ADAM10: variants seen among roughly 807,000 people sequenced by gnomAD.
ADAM10 encodes ADAM metallopeptidase domain 10.
ADAM10 carries 17 observed loss-of-function variants against 90.1 expected under a neutral mutation model. The observed-to-expected ratio is 0.19, with a 90% CI of 0.13 to 0.28. ADAM10 has a LOEUF of 0.28. Ranked by LOEUF, ADAM10 falls within the 10% of genes least tolerant of loss-of-function variation. ADAM10 has a pLI of 1.00. For missense variants in ADAM10, 610 were observed against 914.3 expected (o/e 0.67, Z 4.29); for synonymous variants, 310 against 298.6 (o/e 1.04, Z -0.40).
chr15:58,667,072 C>A (rs1231221775), intron 4 of ADAM10, among the ~76,000 whole-genome samples: 2 of 152,128 alleles, frequency 1.3e-5, no homozygotes, highest in African/African-American at 4.8e-5. Flanking sequence ...AATAAGCCCT[C>A]ATTGAGATGC....
intron 1 of ADAM10, 23 bp from the exon 2 acceptor site, chr15:58,717,750 T>C (rs200557698): frequency 1.9e-6 from 3 of 1,603,688 alleles, no homozygotes; most frequent in Non-Finnish European, 2.6e-6. Context: ...AACAACATTC[T>C]GAATTAGTAT....
At chr15:58,604,971 C>T (rs1418323227) in intron 14 of ADAM10, among the ~76,000 whole-genome samples, 3 of 152,158 alleles carry the variant, frequency 2.0e-5, no homozygotes, top group African/African-American at 7.2e-5. Context: ...AACTGCTAGT[C>T]TCCAGCAATT....
intron 2 of ADAM10, among the ~76,000 whole-genome samples, chr15:58,689,307 G>A (rs1321650348): frequency 2.0e-5 from 3 of 152,068 alleles, no homozygotes; most frequent in Non-Finnish European, 4.4e-5. Flanking sequence ...GCAACATGGT[G>A]AAAGCCTGTC....
At position 58,617,247 on chromosome 15, in the gene ADAM10, C is replaced by T. The variant is rs76779421; in HGVS notation, c.1511+4224G>A. 6.7e-3 allele frequency among the ~76,000 whole-genome samples: 1,012 copies of T among 151,944 alleles called. 15 individuals are homozygous for T. Among genetic ancestry groups the T allele is most frequent in the African/African-American group, 0.023 (951 of 41,500 alleles). The stretch of plus-strand genomic sequence containing the variant: ...ATAAAATCAGAAACAAAAAAGGAGA[C>T]GTTATAACTGATACCACAAAAATAC... On this transcript the variant is annotated intron_variant, in intron 11 of 15. Transcript: ENST00000260408.
chr15:58,664,811 A>T (rs1355322343), intron 5 of ADAM10, among the ~76,000 whole-genome samples: 1 of 152,146 alleles, frequency 6.6e-6, no homozygotes, highest in African/African-American at 2.4e-5. Context: ...ATGCTAATAA[A>T]AATATTTACA....
At chr15:58,630,758 G>C (rs1257539503) in intron 9 of ADAM10, among the ~76,000 whole-genome samples, 1 of 152,178 alleles carries the variant, frequency 6.6e-6, no homozygotes, top group Non-Finnish European at 1.5e-5. Flanking sequence ...AGAGATTTCA[G>C]ATAAAGATGT....
At chr15:58,720,403 TA>T (rs1357273941) in intron 1 of ADAM10, among the ~76,000 whole-genome samples, 461 of 20,138 alleles carry the variant, frequency 0.023, 3 homozygotes, top group African/African-American at 0.044. Flanking sequence ...TATTTTATTT[TA>T]TTTTTTTTTT....
Position 58,643,988 on chromosome 15 carries a change from A to T in ADAM10, c.736-10T>A, listed in dbSNP as rs200553075. 9 of 1,568,252 alleles carry T rather than the reference A, an allele frequency of 5.7e-6. No individual in the cohort carries two copies. Among genetic ancestry groups the T allele is most frequent in the Non-Finnish European group, 7.9e-6 (9 of 1,139,028 alleles). Reference sequence around the variant, plus strand: ...TAACATGACTGGATATCTATGATTTAAAAAAAAGAACATTTTAGAGGCAAT... The same window carrying T: ...TAACATGACTGGATATCTATGATTTTAAAAAAAGAACATTTTAGAGGCAAT... On this transcript the variant is annotated splice_polypyrimidine_tract_variant and intron_variant, in intron 6 of 15. Coordinates refer to ENST00000260408, the MANE Select transcript of ADAM10 (RefSeq NM_001110.4).
chr15:58,732,356 T>C (rs1167028359), intron 1 of ADAM10: 1 of 152,186 alleles, frequency 6.6e-6, no homozygotes, highest in Non-Finnish European at 1.5e-5. Flanking sequence ...AATGCAGTGA[T>C]TGCGGGAAAT....
intron 14 of ADAM10, among the ~76,000 whole-genome samples, chr15:58,608,897 C>A (rs906947558): frequency 2.0e-5 from 3 of 152,016 alleles, no homozygotes; most frequent in African/African-American, 7.2e-5. Flanking sequence ...ATATCTAGCA[C>A]AATATATACT....
intron 2 of ADAM10, among the ~76,000 whole-genome samples, chr15:58,716,640 T>C (rs1898667412): frequency 6.6e-6 from 1 of 152,108 alleles, no homozygotes; most frequent in Non-Finnish European, 1.5e-5. Context: ...TGGCTAACAA[T>C]CATTAATTGA....
At chr15:58,694,386 G>T (rs1897915410) in intron 2 of ADAM10, among the ~76,000 whole-genome samples, 1 of 151,936 alleles carries the variant, frequency 6.6e-6, no homozygotes, top group Non-Finnish European at 1.5e-5. Context: ...AGGAGGAGGA[G>T]GTTGCAGTGA....
intron 9 of ADAM10, among the ~76,000 whole-genome samples, chr15:58,629,733 T>C (rs1188175226): frequency 6.6e-6 from 1 of 152,196 alleles, no homozygotes; most frequent in African/African-American, 2.4e-5. Context: ...TCTAGCTGTA[T>C]CACATTTTAA....
At chr15:58,651,103 T>A (rs28843791) in intron 5 of ADAM10, among the ~76,000 whole-genome samples, 1 of 152,082 alleles carries the variant, frequency 6.6e-6, no homozygotes, top group Non-Finnish European at 1.5e-5. Flanking sequence ...AATTTTTTTA[T>A]TTTTTGTTTT....
At chr15:58,728,083 C>T (rs967148816) in intron 1 of ADAM10, among the ~76,000 whole-genome samples, 2 of 152,158 alleles carry the variant, frequency 1.3e-5, no homozygotes, top group African/African-American at 4.8e-5. Flanking sequence ...AAAGATAGAC[C>T]TTAATCCTAG....
intron 2 of ADAM10, among the ~76,000 whole-genome samples, chr15:58,716,926 T>C (rs1392627553): frequency 6.6e-6 from 1 of 152,056 alleles, no homozygotes; most frequent in Non-Finnish European, 1.5e-5. Flanking sequence ...TTCAGCCAGG[T>C]CTCGGTAAAA....
At chr15:58,691,676 C>CTTTTTGTTTT in intron 2 of ADAM10, 1 of 229,676 alleles carries the variant, frequency 4.4e-6, no homozygotes. Flanking sequence ...ACTTCTTCTT[C>CTTTTTGTTTT]TTTTTTTTTT....
chr15:58,602,116 A>G (rs1895127963), intron 14 of ADAM10, among the ~76,000 whole-genome samples: 1 of 152,166 alleles, frequency 6.6e-6, no homozygotes, highest in South Asian at 2.1e-4. Flanking sequence ...CAATGTATTC[A>G]TTTATTTATT....
At position 58,603,087 on chromosome 15, in the gene ADAM10, C is replaced by T. The variant is rs561616911; in HGVS notation, c.2026-3363G>A. 2.6e-5 allele frequency among the ~76,000 whole-genome samples: 4 copies of T among 152,288 alleles called. No homozygotes were observed. In the South Asian group the frequency reaches 6.2e-4, roughly 24 times the overall value. On this transcript the variant is annotated intron_variant, in intron 14 of 15. Transcript: ENST00000260408. ...ACTTTCTAAAAGCCACTTCTTGAGA[C>T]TGCCAGATTTTTTTTTAAGTTTTAT...
Sources: gnomAD v4.1 joint callset for allele counts (sites outside exome capture counted in the v4.1 genomes callset) on GRCh38, gnomAD v4.1.1 for gene constraint, MANE v1.5 for transcripts, NCBI Gene and HGNC (gene_info 2026-07-23, HGNC 2026-07-21) for gene names.